Variants in SLC22A3 observed in about 807,000 individuals in gnomAD.
SLC22A3 encodes the protein solute carrier family 22 member 3, also known as EMT organic cation transporter 3.
SLC22A3 carries 51 observed loss-of-function variants against 59.1 expected under a neutral mutation model. The observed-to-expected ratio is 0.86, with a 90% confidence interval of 0.69 to 1.09. The LOEUF is 1.09. Among genes scored for constraint, SLC22A3 ranks in the 50% least tolerant of loss-of-function variants. The probability of loss-of-function intolerance (pLI) is 0.00; values close to 1 mark genes in which losing one functional copy is unlikely to be tolerated. For missense variants in SLC22A3, 711 were observed against 726.3 expected, an observed-to-expected ratio of 0.98 and a Z score of 0.24; for synonymous variants, 325 against 292.0, an observed-to-expected ratio of 1.11 and a Z score of -1.15.
At chr6:160,450,011 A>T (rs1195451112) in intron 10 of SLC22A3, among the ~76,000 whole-genome samples, 1 of 152,198 alleles carries the variant, frequency 6.6e-6, no homozygotes, top group Non-Finnish European at 1.5e-5. Context: ...AAGCAGAATG[A>T]CTGAAAAGGG....
chr6:160,421,701 A>T (rs1247970115), intron 5 of SLC22A3, among the ~76,000 whole-genome samples: 2 of 152,192 alleles, frequency 1.3e-5, no homozygotes, highest in Non-Finnish European at 2.9e-5. Flanking sequence ...GGAGTTGTGT[A>T]GGCATCTAAT....
At chr6:160,434,065 G>T (rs760172373) in intron 5 of SLC22A3, among the ~76,000 whole-genome samples, 1 of 152,158 alleles carries the variant, frequency 6.6e-6, no homozygotes, top group Non-Finnish European at 1.5e-5. Flanking sequence ...GACACTGCCC[G>T]GCAGCCCCAA....
chr6:160,397,154 G>T (rs954380919), intron 1 of SLC22A3, among the ~76,000 whole-genome samples: 1 of 152,212 alleles, frequency 6.6e-6, no homozygotes, highest in East Asian at 1.9e-4. Flanking sequence ...GGGGCTGTTC[G>T]GGGAGATGGT....
chr6:160,426,252 A>G, intron 5 of SLC22A3: 1 of 985,416 alleles, frequency 1.0e-6, no homozygotes, highest in Non-Finnish European at 1.2e-6. Flanking sequence ...AAATTTGGAT[A>G]TTTGACAAAT....
chr6:160,391,213 A>G (rs1010776610), intron 1 of SLC22A3, among the ~76,000 whole-genome samples: 3 of 150,888 alleles, frequency 2.0e-5, no homozygotes. Context: ...AGCCAGTCCT[A>G]TAAAATACGC....
At chr6:160,444,871 C>T (rs1168583122) in intron 9 of SLC22A3, among the ~76,000 whole-genome samples, 2 of 152,228 alleles carry the variant, frequency 1.3e-5, no homozygotes, top group Admixed American at 6.5e-5. Context: ...GACAAAGAGT[C>T]GGCTTCTACC....
chr6:160,400,962 C>T (rs1419561291), intron 2 of SLC22A3, among the ~76,000 whole-genome samples: 1 of 130,436 alleles, frequency 7.7e-6, no homozygotes, highest in African/African-American at 3.0e-5. Context: ...TTGAGGATAT[C>T]CCAGTAGAAA....
In SLC22A3 at chr6:160,348,589, C is replaced by G; in HGVS notation, c.170C>G (p.Ala57Gly). 6.6e-7 allele frequency: 1 copy of G among 1,519,416 alleles called. No individual in the cohort carries two copies. The allele number at this position is 1,519,416 out of a possible 1,614,324, so 94.1% of individuals were successfully genotyped here. A position where few individuals can be genotyped will look rare whatever the true frequency, so the allele number is the denominator to read the frequency against. The change falls in exon 1 of 11, where the codon GCG (alanine) becomes GGG (glycine). Residue 57 changes from alanine to glycine, a missense_variant. Physicochemically the swap from Ala to Gly is moderately conservative, Grantham distance 60. Coordinates refer to ENST00000275300, the MANE Select transcript of SLC22A3 (RefSeq NM_021977.4). ...DHYWCRGPSA[A>G]ALAERCGWSP... ...TACTGGTGCCGCGGGCCAAGTGCCG[C>G]GGCGCTGGCCGAGCGCTGCGGCTGG...
intron 1 of SLC22A3, among the ~76,000 whole-genome samples, chr6:160,367,313 A>G (rs1785240256): frequency 6.6e-6 from 1 of 152,156 alleles, no homozygotes; most frequent in South Asian, 2.1e-4. Context: ...CTCATTCACT[A>G]TTATGAGAAG....
At chr6:160,417,616 G>A (rs2246531) in intron 5 of SLC22A3, among the ~76,000 whole-genome samples, 128,025 of 152,190 alleles carry the variant, frequency 0.84, 54,444 homozygotes, top group East Asian at 1. Flanking sequence ...CCAAGGGATG[G>A]AAATACTTCC....
intron 5 of SLC22A3, among the ~76,000 whole-genome samples, chr6:160,413,675 A>G (rs1787349890): frequency 6.6e-6 from 1 of 152,256 alleles, no homozygotes; most frequent in South Asian, 2.1e-4. Context: ...AATACAAGTA[A>G]TCACACCTTT....
intron 5 of SLC22A3, among the ~76,000 whole-genome samples, chr6:160,434,400 G>A (rs1788263726): frequency 6.6e-6 from 1 of 152,142 alleles, no homozygotes; most frequent in Non-Finnish European, 1.5e-5. Flanking sequence ...TCAGTTGCCT[G>A]GTTTCAATTC....
At chr6:160,407,431 C>A (rs997369221) in intron 3 of SLC22A3, among the ~76,000 whole-genome samples, 4 of 152,126 alleles carry the variant, frequency 2.6e-5, no homozygotes, top group African/African-American at 7.2e-5. Flanking sequence ...AGCACTGGGG[C>A]AAACTACTTT....
At chr6:160,370,444 T>C (rs1785360355) in intron 1 of SLC22A3, among the ~76,000 whole-genome samples, 1 of 152,222 alleles carries the variant, frequency 6.6e-6, no homozygotes, top group African/African-American at 2.4e-5. Context: ...CTTCTCCATC[T>C]TTCTAAAAAG....
chr6:160,407,074 C>T lies in SLC22A3; in HGVS notation c.567C>T (p.Cys189=). 1 of 1,613,058 alleles carries T rather than the reference C, an allele frequency of 6.2e-7. No individual in the cohort carries two copies. The highest frequency in any genetic ancestry group is 8.5e-7 in the Non-Finnish European group (1 of 1,179,474). The change falls in exon 3 of 11, where the codon TGC becomes TGT. Residue 189 remains cysteine (C), a synonymous_variant. Coordinates refer to ENST00000275300, the MANE Select transcript of SLC22A3 (RefSeq NM_021977.4). ...GGATCGTCATTTACTTGCTATCCTG[C>T]CTTGGTGTTGGCGTCACTGGGGTTG... ...YGRIVIYLLS[C]LGVGVTGVVV...
Position 160,448,457 on chromosome 6 carries a change from A to C in SLC22A3, c.1610+639A>C, listed in dbSNP as rs182866141. ...ATAAATAATAGATGATAGATGATAG[A>C]TAGATACAGATAGATAAATAGACAG... On this transcript the variant is annotated intron_variant, in intron 10 of 10. Transcript: ENST00000275300. 2.4e-4 allele frequency among the ~76,000 whole-genome samples: 37 copies of C among 152,240 alleles called. No homozygotes were observed. The East Asian group carries it at 6.7e-3, about 28-fold the overall frequency.
rs955232884 is a variant in SLC22A3, at chr6:160,355,727, G to A, written c.429+6879G>A. 8.6e-5 allele frequency among the ~76,000 whole-genome samples: 13 copies of A among 152,030 alleles called. No homozygotes were observed. In the East Asian group the frequency reaches 1.2e-3, roughly 14 times the overall value. ...GCGGAGCTTGCAGTAAGCTGAGATC[G>A]CACCACTGCACTCCAGCCTGGGCGA... On this transcript the variant is annotated intron_variant, in intron 1 of 10. Transcript: ENST00000275300.
chr6:160,355,597 T>TA (rs771723533), intron 1 of SLC22A3, among the ~76,000 whole-genome samples: 23,792 of 143,502 alleles, frequency 0.17, 2,221 homozygotes, highest in Non-Finnish European at 0.21. Context: ...CCGTCTCTAC[T>TA]AAAAAAAAAA....
chr6:160,372,428 C>T (rs932992724), intron 1 of SLC22A3, among the ~76,000 whole-genome samples: 3 of 152,176 alleles, frequency 2.0e-5, no homozygotes, highest in Admixed American at 1.3e-4. Flanking sequence ...CTGCCCTTTA[C>T]ATTTTTTCCT....
Sources: gnomAD v4.1 joint callset for allele counts (sites outside exome capture counted in the v4.1 genomes callset) on GRCh38, gnomAD v4.1.1 for gene constraint, MANE v1.5 for transcripts, NCBI Gene and HGNC (gene_info 2026-07-23, HGNC 2026-07-21) for gene names.